CAMK1D: variants seen among roughly 807,000 people sequenced by gnomAD.
The protein encoded by CAMK1D is calcium/calmodulin-dependent protein kinase type 1D.
In CAMK1D, 9 loss-of-function variants were observed where a neutral mutation model predicts 47.7. The ratio of observed to expected loss-of-function variants is 0.19; its 90% CI spans 0.11 to 0.33. CAMK1D has a LOEUF of 0.33. CAMK1D is among the 10% of genes least tolerant of loss of function. CAMK1D has a pLI of 1.00. For missense variants in CAMK1D, 291 were observed against 488.7 expected, an observed-to-expected ratio of 0.60 and a Z score of 3.81; for synonymous variants, 184 against 184.9, an observed-to-expected ratio of 0.99 and a Z score of 0.04.
chr10:12,489,189 C>T (rs971313757), intron 1 of CAMK1D, among the ~76,000 whole-genome samples: 3 of 152,172 alleles, frequency 2.0e-5, no homozygotes, highest in South Asian at 2.1e-4. Flanking sequence ...CCGCCGGCCT[C>T]GGCCTCCCAA....
chr10:12,706,055 C>G (rs1419328029), intron 3 of CAMK1D, among the ~76,000 whole-genome samples: 1 of 152,108 alleles, frequency 6.6e-6, no homozygotes, highest in African/African-American at 2.4e-5. Context: ...TCCCAAGACC[C>G]CAGTGGATGT....
chr10:12,753,539 A>AT (rs1006955822), intron 3 of CAMK1D, among the ~76,000 whole-genome samples: 2 of 152,190 alleles, frequency 1.3e-5, no homozygotes, highest in African/African-American at 4.8e-5. Flanking sequence ...CAGTTGTGAG[A>AT]TTTTTTTCCA....
At chr10:12,772,647 G>A (rs191922833) in intron 5 of CAMK1D, among the ~76,000 whole-genome samples, 207 of 152,314 alleles carry the variant, frequency 1.4e-3, no homozygotes, top group African/African-American at 4.7e-3. Flanking sequence ...CTGACGTGTC[G>A]GGAATGGTGT....
chr10:12,762,537 A>C (rs74479182), intron 4 of CAMK1D, among the ~76,000 whole-genome samples: 4,053 of 152,166 alleles, frequency 0.027, 95 homozygotes, highest in East Asian at 0.091. Context: ...GGGCTATGAA[A>C]ATAGAGACTG....
chr10:12,501,118 C>T (rs1301946640), intron 1 of CAMK1D, among the ~76,000 whole-genome samples: 1 of 152,238 alleles, frequency 6.6e-6, no homozygotes, highest in African/African-American at 2.4e-5. Flanking sequence ...CTCCATTCTG[C>T]TCACAAAGCA....
intron 1 of CAMK1D, among the ~76,000 whole-genome samples, chr10:12,411,085 G>A (rs997869846): frequency 1.3e-5 from 2 of 152,002 alleles, no homozygotes; most frequent in African/African-American, 2.4e-5. Flanking sequence ...ATTAAGCTTC[G>A]AGCCCACCCC....
At position 12,467,015 on chromosome 10, in the gene CAMK1D, G is replaced by A. The variant is rs573544137; in HGVS notation, c.93-86210G>A. Among the ~76,000 whole-genome samples, 9 of 152,160 alleles carry A rather than the reference G, an allele frequency of 5.9e-5. No homozygotes were observed. In the South Asian group the frequency reaches 1.0e-3, roughly 18 times the overall value. ...GCAAGCACCCCAGGATGTTGCCCTC[G>A]AACTCAGGTTGAAATTTCACCTCTC... On this transcript the variant is annotated intron_variant, in intron 1 of 10. Coordinates refer to ENST00000619168, the MANE Select transcript of CAMK1D (RefSeq NM_153498.4).
chr10:12,781,624 C>T (rs1161391651), intron 5 of CAMK1D, among the ~76,000 whole-genome samples: 1 of 150,692 alleles, frequency 6.6e-6, no homozygotes, highest in Non-Finnish European at 1.5e-5. Context: ...CTGGACAGAT[C>T]AGGGTAAGCT....
In CAMK1D at chr10:12,554,351, C is replaced by T. The variant is rs1836693339; in HGVS notation, c.224+995C>T. Among the ~76,000 whole-genome samples, 2 of 130,740 alleles carry T rather than the reference C, an allele frequency of 1.5e-5. 1 individual carries two copies. The highest frequency in any genetic ancestry group is 3.6e-5 in the Non-Finnish European group (2 of 55,896). 85.8% of individuals were successfully genotyped at this position (130,740 alleles called of 152,430 possible). A position where few individuals can be genotyped will look rare whatever the true frequency, so the allele number is the denominator to read the frequency against. Reference sequence around the variant, plus strand: ...TTGTATTTTTGTAGAGATGAGGTTTCTCCATGTTGGCCAGGCTGGTCTTGA... The same window carrying T: ...TTGTATTTTTGTAGAGATGAGGTTTTTCCATGTTGGCCAGGCTGGTCTTGA... On this transcript the variant is annotated intron_variant, in intron 2 of 10. Coordinates refer to ENST00000619168, the MANE Select transcript of CAMK1D (RefSeq NM_153498.4).
Position 12,800,566 on chromosome 10 carries a change from T to G in CAMK1D, c.641+9333T>G, listed in dbSNP as rs180934337. On this transcript the variant is annotated intron_variant, in intron 6 of 10. Transcript: ENST00000619168. ...CCAGAGTTGATTGATTTTGCTCGTGTTTTTCAGACCCCCATTGGGCCTGGG... is the reference window on the plus strand; with the variant it reads ...CCAGAGTTGATTGATTTTGCTCGTGGTTTTCAGACCCCCATTGGGCCTGGG... Among the ~76,000 whole-genome samples, 156 of 152,296 alleles carry G rather than the reference T, an allele frequency of 1.0e-3. 4 individuals carry two copies. In the East Asian group the frequency reaches 0.027, roughly 27 times the overall value.
chr10:12,513,556 C>T (rs907937033), intron 1 of CAMK1D, among the ~76,000 whole-genome samples: 1 of 152,106 alleles, frequency 6.6e-6, no homozygotes, highest in Non-Finnish European at 1.5e-5. Flanking sequence ...GAGGCCGAGG[C>T]AGTCAGATTG....
chr10:12,597,276 G>T (rs1025065229), intron 2 of CAMK1D, among the ~76,000 whole-genome samples: 4 of 152,168 alleles, frequency 2.6e-5, no homozygotes, highest in Middle Eastern at 3.2e-3. Flanking sequence ...GATTGGGGAA[G>T]CATCCATCAC....
intron 1 of CAMK1D, among the ~76,000 whole-genome samples, chr10:12,354,798 T>C (rs1284360935): frequency 1.3e-5 from 2 of 151,944 alleles, no homozygotes; most frequent in Non-Finnish European, 2.9e-5. Flanking sequence ...CCGAGGGGCT[T>C]TCCTTGTGTG....
chr10:12,671,559 A>C (rs1404595128), intron 3 of CAMK1D, among the ~76,000 whole-genome samples: 2 of 151,952 alleles, frequency 1.3e-5, no homozygotes. Context: ...ACGATTTTGA[A>C]CATCTTTTCC....
chr10:12,636,500 G>A (rs187225225), intron 2 of CAMK1D, among the ~76,000 whole-genome samples: 365 of 152,124 alleles, frequency 2.4e-3, no homozygotes, highest in Non-Finnish European at 4.0e-3. Flanking sequence ...GCTATTTTTT[G>A]TATTTTTTGT....
At chr10:12,671,080 C>A (rs1364165233) in intron 3 of CAMK1D, among the ~76,000 whole-genome samples, 1 of 152,236 alleles carries the variant, frequency 6.6e-6, no homozygotes, top group Non-Finnish European at 1.5e-5. Context: ...TAGATTCTCT[C>A]TCTCAGCTTA....
intron 1 of CAMK1D, among the ~76,000 whole-genome samples, chr10:12,397,390 C>G (rs142343941): frequency 6.6e-6 from 1 of 152,196 alleles, no homozygotes; most frequent in Non-Finnish European, 1.5e-5. Flanking sequence ...GGAGTCACAC[C>G]TTTTTTCTTC....
Position 12,625,200 on chromosome 10 carries a change from G to A in CAMK1D, c.225-41536G>A, listed in dbSNP as rs372627147. 1.1e-4 allele frequency among the ~76,000 whole-genome samples: 16 copies of A among 151,478 alleles called. No individual in the cohort carries two copies. The East Asian group carries it at 1.2e-3, about 11-fold the overall frequency. ...AAAAATACAAAATGAACTGGGCGTG[G>A]TGGTGCATGCCTGTAATCCCAGCTA... On this transcript the variant is annotated intron_variant, in intron 2 of 10. Transcript: ENST00000619168.
chr10:12,383,611 A>G (rs566022275), intron 1 of CAMK1D, among the ~76,000 whole-genome samples: 17 of 152,368 alleles, frequency 1.1e-4, no homozygotes, highest in Non-Finnish European at 2.4e-4. Context: ...AAGAATATTG[A>G]AAATCTGTAA....
Sources: gnomAD v4.1 joint callset for allele counts (sites outside exome capture counted in the v4.1 genomes callset) on GRCh38, gnomAD v4.1.1 for gene constraint, MANE v1.5 for transcripts, NCBI Gene and HGNC (gene_info 2026-07-23, HGNC 2026-07-21) for gene names.